RGS6: variants seen among roughly 807,000 people sequenced by gnomAD.
RGS6 encodes regulator of G protein signaling 6.
RGS6 carries 30 observed loss-of-function variants against 78.5 expected under a neutral mutation model. The observed-to-expected ratio is 0.38, with a 90% CI of 0.29 to 0.52. The LOEUF (loss-of-function observed/expected upper bound fraction) is 0.52, where lower values mean the gene tolerates loss of function less well. Among genes scored for constraint, RGS6 ranks in the 20% least tolerant of loss-of-function variants. The pLI, the probability that RGS6 is intolerant of heterozygous loss-of-function variation, is 0.85. For synonymous variants in RGS6, 206 were observed against 206.0 expected (o/e 1.00, Z 0.00); for missense variants, 495 against 609.7 (o/e 0.81, Z 1.98).
the RGS6 span, among the ~76,000 whole-genome samples, chr14:71,872,412 G>T: frequency 6.6e-6 from 1 of 152,098 alleles, no homozygotes; most frequent in Non-Finnish European, 1.5e-5. Context: ...TCAGCTTAAC[G>T]CAGTGCTGTC....
rs530121945 is a variant in RGS6 at position 71,988,357 on chromosome 14, T to G, written c.84+23482T>G. On this transcript the variant is annotated intron_variant, in intron 2 of 17. Coordinates refer to ENST00000553525, the MANE Select transcript of RGS6 (RefSeq NM_001204424.2). Reference sequence around the variant, plus strand: ...TTTAGGACAGTTGTCAGCAAGCAACTTGCTGTTGGGCCTAATCTGTCCCCA... The same window carrying G: ...TTTAGGACAGTTGTCAGCAAGCAACGTGCTGTTGGGCCTAATCTGTCCCCA... Among the ~76,000 whole-genome samples, 6 of 152,336 alleles carry G rather than the reference T, an allele frequency of 3.9e-5. No homozygotes were observed. The South Asian group carries it at 1.2e-3, about 32-fold the overall frequency.
the RGS6 span, among the ~76,000 whole-genome samples, chr14:71,905,470 A>C: frequency 1.3e-5 from 2 of 151,782 alleles, no homozygotes; most frequent in Non-Finnish European, 2.9e-5. Flanking sequence ...ATATTTAAAC[A>C]TTTTCCTTCT....
chr14:72,003,993 A>G (rs932805147), intron 2 of RGS6, among the ~76,000 whole-genome samples: 1 of 151,966 alleles, frequency 6.6e-6, no homozygotes, highest in Admixed American at 6.6e-5. Context: ...TACTTTGCCA[A>G]ACTTTGCTCT....
At chr14:71,902,137 G>T in the RGS6 span, among the ~76,000 whole-genome samples, 2 of 152,204 alleles carry the variant, frequency 1.3e-5, no homozygotes, top group East Asian at 3.9e-4. Context: ...AAACCAACCT[G>T]CTTCAGAACT....
chr14:72,602,554 G>A, the RGS6 span, among the ~76,000 whole-genome samples: 7 of 152,136 alleles, frequency 4.6e-5, no homozygotes, highest in African/African-American at 1.7e-4. Flanking sequence ...CCCTCCACCG[G>A]CCGACTCACA....
At chr14:72,060,752 T>C (rs2093853166) in intron 2 of RGS6, among the ~76,000 whole-genome samples, 1 of 152,190 alleles carries the variant, frequency 6.6e-6, no homozygotes. Flanking sequence ...CTGAAATAAA[T>C]TTGAGGCCCT....
At chr14:72,237,465 A>G (rs1600161782) in intron 2 of RGS6, among the ~76,000 whole-genome samples, 1 of 152,202 alleles carries the variant, frequency 6.6e-6, no homozygotes, top group Non-Finnish European at 1.5e-5. Flanking sequence ...TGGGTTTTAC[A>G]GTACACCAGA....
At chr14:72,166,264 CT>C (rs1157398626) in intron 2 of RGS6, among the ~76,000 whole-genome samples, 1 of 152,068 alleles carries the variant, frequency 6.6e-6, no homozygotes, top group East Asian at 1.9e-4. Flanking sequence ...TACTATATGT[CT>C]TATTTTTAAA....
the RGS6 span, among the ~76,000 whole-genome samples, chr14:71,893,330 A>G: frequency 6.6e-6 from 1 of 152,342 alleles, no homozygotes; most frequent in African/African-American, 2.4e-5. Context: ...TCACCTTTAC[A>G]TAAACAGGAT....
At chr14:71,980,676 T>C (rs1343383022) in intron 2 of RGS6, among the ~76,000 whole-genome samples, 5 of 81,802 alleles carry the variant, frequency 6.1e-5, no homozygotes, top group Non-Finnish European at 2.4e-5. Flanking sequence ...CCGACCTTTC[T>C]CTCTGGCTGC....
chr14:72,115,283 A>G (rs1248218441), intron 2 of RGS6, among the ~76,000 whole-genome samples: 2 of 152,196 alleles, frequency 1.3e-5, no homozygotes, highest in East Asian at 3.9e-4. Context: ...TAAGCAGACA[A>G]TGGAAAGTTG....
rs367784574 is a variant in RGS6 at position 71,936,311 on chromosome 14, T to A, written c.-21+3370T>A. Among the ~76,000 whole-genome samples the A allele has an allele frequency of 1.3e-4, 19 of 151,958 alleles. No individual in the cohort carries two copies. In the South Asian group the frequency reaches 3.9e-3, roughly 32 times the overall value. The stretch of plus-strand genomic sequence containing the variant: ...GATGTAGGGTGGGAGGCTAGGCTCA[T>A]TTCTCCTTTTCATGTTTTTCTGCCT... On this transcript the variant is annotated intron_variant, in intron 1 of 17. Transcript: ENST00000553525.
At chr14:72,606,379 T>TCTAG in the RGS6 span, among the ~76,000 whole-genome samples, 2 of 152,092 alleles carry the variant, frequency 1.3e-5, no homozygotes, top group African/African-American at 4.8e-5. Flanking sequence ...TAAGACAAGA[T>TCTAG]CTAGAACTTC....
chr14:72,547,090 G>A lies in RGS6; in HGVS notation c.1422+6996G>A, dbSNP rs536506371. ...AGGCAGAGAGTGAAGGGGAGTGCAG[G>A]GCCCCCCGCAGGATAAACAGCGGGA... On this transcript the variant is annotated intron_variant, in intron 17 of 17. Coordinates refer to ENST00000553525, the MANE Select transcript of RGS6 (RefSeq NM_001204424.2). 1.6e-5 allele frequency: 21 copies of A among 1,324,962 alleles called. No individual in the cohort carries two copies. The Middle Eastern group carries it at 1.0e-3, about 64-fold the overall frequency. 82.1% of individuals were successfully genotyped at this position (1,324,962 alleles called of 1,614,324 possible).
chr14:72,444,034 G>A (rs765382276), intron 3 of RGS6, among the ~76,000 whole-genome samples: 11 of 152,078 alleles, frequency 7.2e-5, no homozygotes, highest in South Asian at 2.1e-4. Flanking sequence ...TGCCCTGGAC[G>A]CTTTTGATTG....
chr14:72,283,474 C>G (rs1162793209), intron 2 of RGS6, among the ~76,000 whole-genome samples: 2 of 152,134 alleles, frequency 1.3e-5, no homozygotes, highest in Non-Finnish European at 1.5e-5. Context: ...CCATACTGTT[C>G]TCATGGTAGT....
chr14:72,106,687 T>C (rs2095639857), intron 2 of RGS6, among the ~76,000 whole-genome samples: 1 of 152,210 alleles, frequency 6.6e-6, no homozygotes, highest in Admixed American at 6.5e-5. Flanking sequence ...GGATATTAAC[T>C]TATCTTTCAG....
intron 2 of RGS6, among the ~76,000 whole-genome samples, chr14:72,220,754 T>C (rs936505331): frequency 2.0e-5 from 3 of 152,216 alleles, no homozygotes; most frequent in Admixed American, 2.0e-4. Context: ...CCTAAAAGAA[T>C]ATCGTCTTTT....
At chr14:71,906,161 T>C in the RGS6 span, among the ~76,000 whole-genome samples, 6 of 152,218 alleles carry the variant, frequency 3.9e-5, no homozygotes, top group African/African-American at 1.4e-4. Context: ...TGTTTATAGA[T>C]CTCTGCGTAT....
Sources: gnomAD v4.1 joint callset for allele counts (sites outside exome capture counted in the v4.1 genomes callset) on GRCh38, gnomAD v4.1.1 for gene constraint, MANE v1.5 for transcripts, NCBI Gene and HGNC (gene_info 2026-07-23, HGNC 2026-07-21) for gene names.